Variants in AHCYL2 observed in about 807,000 individuals in gnomAD.
AHCYL2 encodes the protein S-adenosylhomocysteine hydrolase-like protein 2.
In AHCYL2, 28 loss-of-function variants were observed where a neutral mutation model predicts 81.4. The observed-to-expected ratio is 0.34, with a 90% confidence interval of 0.25 to 0.47. The LOEUF is 0.47. AHCYL2 is among the 20% of genes least tolerant of loss of function. The pLI is 1.00. For synonymous variants in AHCYL2, 272 were observed against 290.2 expected, an observed-to-expected ratio of 0.94 and a Z score of 0.64; for missense variants, 551 against 785.1, an observed-to-expected ratio of 0.70 and a Z score of 3.56.
At chr7:129,324,658 G>A (rs934298395) in intron 1 of AHCYL2, among the ~76,000 whole-genome samples, 1 of 152,178 alleles carries the variant, frequency 6.6e-6, no homozygotes, top group South Asian at 2.1e-4. Flanking sequence ...TGGGACTACA[G>A]GCGCCTGCCA....
intron 1 of AHCYL2, among the ~76,000 whole-genome samples, chr7:129,311,855 A>C (rs1050998765): frequency 6.6e-6 from 1 of 152,184 alleles, no homozygotes; most frequent in African/African-American, 2.4e-5. Context: ...TGTCACTGTT[A>C]GGTTCTGACT....
chr7:129,389,804 A>G, intron 4 of AHCYL2, 70 bp downstream of exon 4: 1 of 1,312,512 alleles, frequency 7.6e-7, no homozygotes, highest in East Asian at 2.4e-5. Flanking sequence ...AAAGCTTACA[A>G]CATGCCAAGC....
intron 1 of AHCYL2, among the ~76,000 whole-genome samples, chr7:129,320,482 A>T (rs1797976414): frequency 6.6e-6 from 1 of 152,042 alleles, no homozygotes; most frequent in Non-Finnish European, 1.5e-5. Flanking sequence ...ATGCATAGCT[A>T]ATTTTTGTAT....
chr7:129,253,025 G>A (rs1343367758), intron 1 of AHCYL2, among the ~76,000 whole-genome samples: 1 of 152,036 alleles, frequency 6.6e-6, no homozygotes, highest in East Asian at 1.9e-4. Context: ...TGGCCAAGAT[G>A]GTGAAACCCT....
rs576224824 is a variant in AHCYL2, at chr7:129,368,545, G to A, written c.364-11093G>A. ...GCACCTCAGCTTTTCACATGCCTGA[G>A]TGGATGGTGAGTTCACTGGTCGTTT... On this transcript the variant is annotated intron_variant, in intron 1 of 16. Transcript: ENST00000325006. The surrounding 1 kb of genome is among the most constrained non-coding windows in gnomAD (Gnocchi z 4.4). 2 of 1,614,042 alleles carry A rather than the reference G, an allele frequency of 1.2e-6. No individual in the cohort carries two copies. The highest frequency in any genetic ancestry group is 2.2e-5 in the East Asian group (1 of 44,882).
intron 1 of AHCYL2, among the ~76,000 whole-genome samples, chr7:129,267,295 A>G (rs988303300): frequency 2.7e-5 from 4 of 147,458 alleles, no homozygotes; most frequent in Non-Finnish European, 4.5e-5. Context: ...ATTGAGTTCA[A>G]TCAAGCCTTA....
At position 129,397,275 on chromosome 7, in the gene AHCYL2, C is replaced by T. The variant is rs750004645; in HGVS notation, c.774C>T (p.Cys258=). The T allele has an allele frequency of 7.4e-6, 12 of 1,614,196 alleles. No individual in the cohort carries two copies. Among genetic ancestry groups the T allele is most frequent in the Non-Finnish European group, 9.3e-6 (11 of 1,180,026 alleles). ...GGGCCCAGTGCCGATGGGCTGCCTG[C>T]AACATCTATTCCACTCTCAATGAAG... is the stretch of plus-strand genomic sequence containing the variant. ...ALGAQCRWAA[C]NIYSTLNEVA... The change falls in exon 5 of 17, where the codon TGC becomes TGT. Residue 258 remains cysteine, a synonymous_variant. Transcript: ENST00000325006.
intron 1 of AHCYL2, among the ~76,000 whole-genome samples, chr7:129,355,188 ATCTG>A (rs1270505203): frequency 6.6e-6 from 1 of 152,060 alleles, no homozygotes; most frequent in East Asian, 1.9e-4. Context: ...CCTGTTCATA[ATCTG>A]TTTAGTGCCA....
In AHCYL2 at chr7:129,429,383, C is replaced by G. The variant is rs565938416; in HGVS notation, c.*2338C>G. The G allele has an allele frequency of 6.6e-6, 1 of 152,314 alleles. No individual in the cohort carries two copies. The highest frequency in any genetic ancestry group is 2.1e-4 in the South Asian group (1 of 4,824). The allele number at this position is 152,314 out of a possible 1,614,324, so 9.4% of individuals were successfully genotyped here. On this transcript the variant is annotated 3_prime_UTR_variant, in exon 17 of 17. Coordinates refer to ENST00000325006, the MANE Select transcript of AHCYL2 (RefSeq NM_015328.4). Reference sequence around the variant, plus strand: ...GGAATCAGAGCAATGTGTCTTCTTTCCTCCAACCTCTTACCTTAGATGCAT... The same window carrying G: ...GGAATCAGAGCAATGTGTCTTCTTTGCTCCAACCTCTTACCTTAGATGCAT...
chr7:129,246,199 C>T (rs751906684), intron 1 of AHCYL2, among the ~76,000 whole-genome samples: 1 of 152,102 alleles, frequency 6.6e-6, no homozygotes, highest in Non-Finnish European at 1.5e-5. Context: ...GCTGGGATTA[C>T]AGGCATGTGC....
chr7:129,307,864 A>G (rs1797499394), intron 1 of AHCYL2, among the ~76,000 whole-genome samples: 1 of 151,736 alleles, frequency 6.6e-6, no homozygotes, highest in Admixed American at 6.6e-5. Context: ...GGCCTAAGAT[A>G]TGTCTAGAAA....
intron 13 of AHCYL2, among the ~76,000 whole-genome samples, chr7:129,423,294 T>C (rs1048564775): frequency 3.3e-5 from 5 of 152,206 alleles, no homozygotes; most frequent in East Asian, 1.9e-4. Context: ...ACAAAGTAGA[T>C]ATGCCCGACT....
intron 1 of AHCYL2, among the ~76,000 whole-genome samples, chr7:129,262,425 A>G (rs1795674641): frequency 6.6e-6 from 1 of 152,174 alleles, no homozygotes; most frequent in South Asian, 2.1e-4. Context: ...GCATGATCCA[A>G]GGGTGGAGTT....
At chr7:129,396,417 G>A (rs564349091) in intron 4 of AHCYL2, among the ~76,000 whole-genome samples, 9 of 148,704 alleles carry the variant, frequency 6.1e-5, no homozygotes, top group Middle Eastern at 3.6e-3. Context: ...GAGCCACCGC[G>A]CCCCGCCATT....
At chr7:129,357,473 G>A (rs74774649) in intron 1 of AHCYL2, among the ~76,000 whole-genome samples, 1 of 152,256 alleles carries the variant, frequency 6.6e-6, no homozygotes, top group East Asian at 1.9e-4. Context: ...AAGCCACAGA[G>A]GGAGAGAAGT....
intron 1 of AHCYL2, among the ~76,000 whole-genome samples, chr7:129,371,688 G>T (rs534116129): frequency 2.6e-5 from 4 of 152,304 alleles, no homozygotes; most frequent in Admixed American, 2.6e-4. Context: ...CATGCATGGA[G>T]ATCAGCAATA....
chr7:129,424,632 T>C (rs2150970127), intron 13 of AHCYL2: 2 of 567,648 alleles, frequency 3.5e-6, no homozygotes, highest in Non-Finnish European at 6.3e-6. Context: ...TATGACCATC[T>C]GTATTCCTTT....
intron 1 of AHCYL2, among the ~76,000 whole-genome samples, chr7:129,245,298 T>G (rs562137713): frequency 6.6e-6 from 1 of 152,322 alleles, no homozygotes; most frequent in Admixed American, 6.5e-5. Context: ...GTGCTGGGAT[T>G]ACAGGCATGA....
At chr7:129,371,372 A>G (rs968767197) in intron 1 of AHCYL2, among the ~76,000 whole-genome samples, 2 of 152,230 alleles carry the variant, frequency 1.3e-5, no homozygotes, top group African/African-American at 4.8e-5. Context: ...CACACCACAT[A>G]TAACAGCTGA....
Sources: allele counts gnomAD v4.1 joint callset (sites outside exome capture counted in the v4.1 genomes callset), GRCh38; gene constraint gnomAD v4.1.1; non-coding constraint Gnocchi (gnomAD v3.1); transcripts MANE v1.5; gene names NCBI Gene and HGNC (gene_info 2026-07-23, HGNC 2026-07-21).